Variants in FUT9 observed in about 807,000 individuals in gnomAD.
FUT9 encodes 4-galactosyl-N-acetylglucosaminide 3-alpha-L-fucosyltransferase 9.
FUT9 carries 15 observed loss-of-function variants against 29.7 expected under a neutral mutation model. The ratio of observed to expected loss-of-function variants is 0.51; its 90% CI spans 0.34 to 0.78. The LOEUF (loss-of-function observed/expected upper bound fraction) is 0.78, where lower values mean the gene tolerates loss of function less well. Ranked by LOEUF, FUT9 falls within the 30% of genes least tolerant of loss-of-function variation. The pLI, the probability that FUT9 is intolerant of heterozygous loss-of-function variation, is 0.01. For missense variants in FUT9, 319 were observed against 425.4 expected (o/e 0.75, Z 2.20); for synonymous variants, 169 against 153.7 (o/e 1.10, Z -0.74).
intron 1 of FUT9, among the ~76,000 whole-genome samples, chr6:96,085,828 T>C (rs774894324): frequency 6.6e-6 from 1 of 152,196 alleles, no homozygotes; most frequent in Non-Finnish European, 1.5e-5. Context: ...TTTATAGTAG[T>C]TCATGCCTTG....
intron 1 of FUT9, among the ~76,000 whole-genome samples, chr6:96,065,840 C>T (rs1435727330): frequency 2.0e-5 from 3 of 152,128 alleles, no homozygotes; most frequent in Middle Eastern, 3.4e-3. Context: ...TTATGATCTG[C>T]AAGATAACAG....
chr6:96,124,153 C>CTTTTTTTTTTTTTTTTTTT (rs35122970), intron 2 of FUT9, among the ~76,000 whole-genome samples: 1 of 125,062 alleles, frequency 8.0e-6, no homozygotes, highest in African/African-American at 3.0e-5. Context: ...TTTCTTTTTT[C>CTTTTTTTTTTTTTTTTTTT]TTTTTTTTTT....
Position 96,138,333 on chromosome 6 carries a change from T to C in FUT9, c.-9+24206T>C, listed in dbSNP as rs138850785. Among the ~76,000 whole-genome samples the C allele has an allele frequency of 9.8e-5, 15 of 152,344 alleles. No homozygotes were observed. In the East Asian group the frequency reaches 2.7e-3, roughly 27 times the overall value. ...CAATTTTTGCTTGGTTTTTATTGTTTACTCTTTCTTTTATGCACTTCTATT... is the reference window on the plus strand; with the variant it reads ...CAATTTTTGCTTGGTTTTTATTGTTCACTCTTTCTTTTATGCACTTCTATT... On this transcript the variant is annotated intron_variant, in intron 2 of 2. Coordinates refer to ENST00000302103, the MANE Select transcript of FUT9 (RefSeq NM_006581.4).
intron 2 of FUT9, among the ~76,000 whole-genome samples, chr6:96,138,019 A>G (rs916416977): frequency 6.6e-6 from 1 of 152,090 alleles, no homozygotes; most frequent in Non-Finnish European, 1.5e-5. Context: ...TGTGCTTATA[A>G]CTGCTCATCT....
At chr6:96,144,024 C>G (rs1772517471) in intron 2 of FUT9, among the ~76,000 whole-genome samples, 1 of 152,160 alleles carries the variant, frequency 6.6e-6, no homozygotes, top group South Asian at 2.1e-4. Context: ...ACCCCTTAAT[C>G]CCTGTGCTCT....
At chr6:96,157,658 T>A (rs766471753) in intron 2 of FUT9, among the ~76,000 whole-genome samples, 1 of 152,172 alleles carries the variant, frequency 6.6e-6, no homozygotes, top group Non-Finnish European at 1.5e-5. Context: ...ATGAAGACTA[T>A]AAAACTAATT....
chr6:96,131,653 C>T (rs945904210), intron 2 of FUT9, among the ~76,000 whole-genome samples: 2 of 152,112 alleles, frequency 1.3e-5, no homozygotes, highest in African/African-American at 4.8e-5. Flanking sequence ...GGAATCCCAG[C>T]TTCCACGTTC....
intron 2 of FUT9, among the ~76,000 whole-genome samples, chr6:96,165,100 T>G (rs1772990513): frequency 6.6e-6 from 1 of 152,172 alleles, no homozygotes; most frequent in Admixed American, 6.5e-5. Context: ...TCAGATTCAC[T>G]AAATGATGAG....
At chr6:96,123,315 C>A (rs1582248748) in intron 2 of FUT9, among the ~76,000 whole-genome samples, 1 of 151,908 alleles carries the variant, frequency 6.6e-6, no homozygotes, top group Non-Finnish European at 1.5e-5. Context: ...ACAAAAAAAC[C>A]CAATGCTGAA....
At chr6:96,094,189 C>T (rs1219717847) in intron 1 of FUT9, among the ~76,000 whole-genome samples, 1 of 152,144 alleles carries the variant, frequency 6.6e-6, no homozygotes, top group Non-Finnish European at 1.5e-5. Context: ...CAGAAATAAA[C>T]AACTCACAGG....
intron 1 of FUT9, among the ~76,000 whole-genome samples, chr6:96,077,428 T>C (rs921782592): frequency 1.4e-4 from 21 of 152,196 alleles, no homozygotes; most frequent in African/African-American, 4.6e-4. Flanking sequence ...GTTTTCTACG[T>C]AACTGTTCCT....
intron 1 of FUT9, among the ~76,000 whole-genome samples, chr6:96,090,093 C>T (rs147575213): frequency 2.6e-5 from 4 of 152,004 alleles, no homozygotes; most frequent in Middle Eastern, 3.4e-3. Flanking sequence ...ATACAAGTAC[C>T]AATGGACATA....
At chr6:96,101,531 CAA>C in intron 1 of FUT9, among the ~76,000 whole-genome samples, 1 of 150,726 alleles carries the variant, frequency 6.6e-6, no homozygotes, top group East Asian at 2.0e-4. Flanking sequence ...CCTGGGCAAA[CAA>C]GAGTGAAACT....
intron 1 of FUT9, among the ~76,000 whole-genome samples, chr6:96,090,558 C>T (rs1204603335): frequency 6.6e-6 from 1 of 151,472 alleles, no homozygotes; most frequent in Non-Finnish European, 1.5e-5. Context: ...ATATATTTGA[C>T]ATGATCATCA....
chr6:96,085,997 A>G (rs1771310471), intron 1 of FUT9, among the ~76,000 whole-genome samples: 1 of 152,170 alleles, frequency 6.6e-6, no homozygotes, highest in Non-Finnish European at 1.5e-5. Context: ...ATTCATCAGT[A>G]GGACAATTGT....
chr6:96,168,373 G>C (rs1773052208), intron 2 of FUT9, among the ~76,000 whole-genome samples: 1 of 152,158 alleles, frequency 6.6e-6, no homozygotes, highest in African/African-American at 2.4e-5. Context: ...CCTGAACCTT[G>C]ACTGATAAAG....
chr6:96,148,500 A>T (rs1477498673), intron 2 of FUT9, among the ~76,000 whole-genome samples: 1 of 152,164 alleles, frequency 6.6e-6, no homozygotes, highest in East Asian at 1.9e-4. Flanking sequence ...ACATGGTATA[A>T]TCAGTCGAGC....
At chr6:96,053,185 G>A (rs1348444908) in intron 1 of FUT9, among the ~76,000 whole-genome samples, 1 of 151,940 alleles carries the variant, frequency 6.6e-6, no homozygotes, top group Admixed American at 6.6e-5. Context: ...ATTCTTCAGG[G>A]TTATTTTAGA....
intron 2 of FUT9, among the ~76,000 whole-genome samples, chr6:96,176,304 A>G (rs1773203394): frequency 1.3e-5 from 2 of 152,024 alleles, no homozygotes; most frequent in South Asian, 2.1e-4. Flanking sequence ...ATCTCTCTAC[A>G]TTTATAAAAT....
Sources: allele counts gnomAD v4.1 joint callset (sites outside exome capture counted in the v4.1 genomes callset), GRCh38; gene constraint gnomAD v4.1.1; transcripts MANE v1.5; gene names NCBI Gene and HGNC (gene_info 2026-07-23, HGNC 2026-07-21).